PRKAG2: variants seen among roughly 807,000 people sequenced by gnomAD.
PRKAG2 encodes the protein 5'-AMP-activated protein kinase subunit gamma-2.
PRKAG2 carries 26 observed loss-of-function variants against 69.6 expected under a neutral mutation model. That is an observed-to-expected ratio of 0.37 (90% confidence interval 0.27 to 0.52). The LOEUF (loss-of-function observed/expected upper bound fraction) is 0.52, where lower values mean the gene tolerates loss of function less well. PRKAG2 is among the 20% of genes least tolerant of loss of function. The pLI is 0.90. For synonymous variants in PRKAG2, 293 were observed against 285.0 expected, an observed-to-expected ratio of 1.03 and a Z score of -0.28; for missense variants, 557 against 740.0, an observed-to-expected ratio of 0.75 and a Z score of 2.87.
chr7:151,796,947 GGA>G (rs1371918725), intron 1 of PRKAG2, among the ~76,000 whole-genome samples: 1 of 152,134 alleles, frequency 6.6e-6, no homozygotes, highest in African/African-American at 2.4e-5. Flanking sequence ...GGGGTTCTGG[GGA>G]GGTTTTATTG....
chr7:151,736,111 C>T, intron 3 of PRKAG2: 1 of 1,495,666 alleles, frequency 6.7e-7, no homozygotes, highest in South Asian at 1.3e-5. Context: ...CAGGGCGCCC[C>T]AAAAGCTCAG....
chr7:151,698,533 C>T (rs1423881157), intron 3 of PRKAG2, among the ~76,000 whole-genome samples: 6 of 152,030 alleles, frequency 3.9e-5, no homozygotes, highest in Non-Finnish European at 7.4e-5. Flanking sequence ...TCACACGAGG[C>T]CTGGTTGTTT....
At chr7:151,597,939 C>T (rs1333534911) in intron 5 of PRKAG2, among the ~76,000 whole-genome samples, 1 of 151,086 alleles carries the variant, frequency 6.6e-6, no homozygotes, top group Non-Finnish European at 1.5e-5. Flanking sequence ...ACCCTATGAT[C>T]CAGCAATCCC....
At chr7:151,842,668 T>G in intron 1 of PRKAG2, among the ~76,000 whole-genome samples, 1 of 144,426 alleles carries the variant, frequency 6.9e-6, no homozygotes, top group Non-Finnish European at 1.5e-5. Flanking sequence ...TGAGGGTAGG[T>G]AGTGATGATG....
rs1025704265 is a variant in PRKAG2 at position 151,614,131 on chromosome 7, G to A, written c.754+17938C>T. Among the ~76,000 whole-genome samples, 15 of 152,112 alleles carry A rather than the reference G, an allele frequency of 9.9e-5. No homozygotes were observed. The highest frequency in any genetic ancestry group is 7.2e-4 in the Admixed American group (11 of 15,266). Reference sequence around the variant, plus strand: ...CGACCAGGAGGTGCCCCGTTCCCACGGCTATGCTGAGCGCCCCAGCCAGCA... The same window carrying A: ...CGACCAGGAGGTGCCCCGTTCCCACAGCTATGCTGAGCGCCCCAGCCAGCA... On this transcript the variant is annotated intron_variant, in intron 5 of 15. Transcript: ENST00000287878. The surrounding 1 kb of genome is among the most constrained non-coding windows in gnomAD (Gnocchi z 4.4).
intron 1 of PRKAG2, among the ~76,000 whole-genome samples, chr7:151,867,439 G>A (rs367936740): frequency 1.4e-4 from 21 of 152,248 alleles, no homozygotes; most frequent in East Asian, 5.8e-4. Context: ...TCCGAGGCTC[G>A]TGGCAGCAGC....
chr7:151,823,414 T>G (rs1328731824), intron 1 of PRKAG2, among the ~76,000 whole-genome samples: 1 of 150,740 alleles, frequency 6.6e-6, no homozygotes, highest in Non-Finnish European at 1.5e-5. Flanking sequence ...AACCTCAGAA[T>G]GTGACCTTAT....
chr7:151,736,257 C>T (rs1341162584), intron 3 of PRKAG2: 13 of 1,326,798 alleles, frequency 9.8e-6, no homozygotes, highest in Non-Finnish European at 1.1e-5. Context: ...GCACCTCCGG[C>T]CACAGCAGCT....
At chr7:151,672,110 A>AT (rs113204731) in intron 4 of PRKAG2, among the ~76,000 whole-genome samples, 4,793 of 145,864 alleles carry the variant, frequency 0.033, 92 homozygotes, top group Non-Finnish European at 0.041. Flanking sequence ...CATTTGAACT[A>AT]TTTTTTTTTG....
intron 5 of PRKAG2, among the ~76,000 whole-genome samples, chr7:151,627,887 C>A (rs1823391608): frequency 6.6e-6 from 1 of 152,174 alleles, no homozygotes; most frequent in Admixed American, 6.5e-5. Context: ...TGGTCTTGAA[C>A]TCCTGGCCTT....
intron 3 of PRKAG2, among the ~76,000 whole-genome samples, chr7:151,746,727 A>T (rs1221723979): frequency 6.6e-6 from 1 of 152,192 alleles, no homozygotes; most frequent in East Asian, 1.9e-4. Context: ...GCTGCTGGGC[A>T]CCATGCTGAG....
At chr7:151,582,306 CAGCT>C (rs1487917968) in intron 6 of PRKAG2, among the ~76,000 whole-genome samples, 3 of 152,086 alleles carry the variant, frequency 2.0e-5, no homozygotes, top group Non-Finnish European at 2.9e-5. Context: ...CACACCACCA[CAGCT>C]AGCTTTTTAT....
intron 2 of PRKAG2, among the ~76,000 whole-genome samples, chr7:151,785,398 G>C (rs2076952493): frequency 6.6e-6 from 1 of 152,220 alleles, no homozygotes; most frequent in South Asian, 2.1e-4. Flanking sequence ...TCCACTCTCT[G>C]CTGGCCCAGA....
intron 1 of PRKAG2, among the ~76,000 whole-genome samples, chr7:151,798,504 G>A (rs1363203363): frequency 6.6e-6 from 1 of 152,138 alleles, no homozygotes; most frequent in Admixed American, 6.5e-5. Flanking sequence ...TAGTAGAGAT[G>A]GCGTTTTCCC....
chr7:151,743,558 T>C (rs1029578727), intron 3 of PRKAG2, among the ~76,000 whole-genome samples: 1 of 152,260 alleles, frequency 6.6e-6, no homozygotes, highest in Admixed American at 6.5e-5. Context: ...CCACAAGGCA[T>C]TTCATACTGT....
chr7:151,663,902 T>C (rs1830669178), intron 4 of PRKAG2, among the ~76,000 whole-genome samples: 2 of 152,326 alleles, frequency 1.3e-5, no homozygotes, highest in African/African-American at 4.8e-5. Context: ...GCAAACTTTC[T>C]GAAAAAAGCC....
intron 3 of PRKAG2, among the ~76,000 whole-genome samples, chr7:151,697,401 G>A (rs763035510): frequency 1.3e-5 from 2 of 151,976 alleles, no homozygotes; most frequent in African/African-American, 2.4e-5. Context: ...GGCCGAGCCC[G>A]GGAGCCCTCT....
At chr7:151,571,191 C>A (rs932627289) in intron 9 of PRKAG2, among the ~76,000 whole-genome samples, 4 of 151,876 alleles carry the variant, frequency 2.6e-5, no homozygotes, top group African/African-American at 9.7e-5. Flanking sequence ...CCTGCCTCAG[C>A]CTCCCGAGTA....
At chr7:151,581,895 C>CA (rs746490614) in intron 6 of PRKAG2, among the ~76,000 whole-genome samples, 5 of 152,212 alleles carry the variant, frequency 3.3e-5, no homozygotes, top group Non-Finnish European at 5.9e-5. Flanking sequence ...CAAAATGCTG[C>CA]AGATACTGTT....
Sources: allele counts gnomAD v4.1 joint callset (sites outside exome capture counted in the v4.1 genomes callset), GRCh38; gene constraint gnomAD v4.1.1; non-coding constraint Gnocchi (gnomAD v3.1); transcripts MANE v1.5; gene names NCBI Gene and HGNC (gene_info 2026-07-23, HGNC 2026-07-21).